PCDHGB1: variants seen among roughly 807,000 people sequenced by gnomAD.
PCDHGB1 encodes protocadherin gamma-B1.
Under a neutral mutation model 56.6 loss-of-function variants are expected in PCDHGB1, and 34 were observed. That is an observed-to-expected ratio of 0.60 (90% CI 0.46 to 0.80). The LOEUF is 0.80. Ranked by LOEUF, PCDHGB1 falls within the 30% of genes least tolerant of loss-of-function variation. The pLI is 0.00. For missense variants in PCDHGB1, 1,278 were observed against 1,204.6 expected (o/e 1.06, Z -0.90); for synonymous variants, 561 against 505.9 (o/e 1.11, Z -1.46).
intron 1 of PCDHGB1, chr5:141,433,186 G>A (rs753657435): frequency 1.4e-5 from 23 of 1,601,378 alleles, no homozygotes; most frequent in Non-Finnish European, 1.9e-5. Context: ...TAATTGAGGT[G>A]AGTTTATATC....
chr5:141,463,596 C>T (rs922480221), intron 1 of PCDHGB1, among the ~76,000 whole-genome samples: 5 of 151,874 alleles, frequency 3.3e-5, no homozygotes, highest in Admixed American at 2.0e-4. Flanking sequence ...CTACAGGTGC[C>T]TGCCACCATG....
At position 141,489,264 on chromosome 5, in the gene PCDHGB1, G is replaced by T. The variant is rs1314393358; in HGVS notation, c.2410-5543G>T. 10 of 1,553,088 alleles carry T rather than the reference G, an allele frequency of 6.4e-6. No individual in the cohort carries two copies. Among genetic ancestry groups the T allele is most frequent in the Non-Finnish European group, 7.0e-6 (8 of 1,149,620 alleles). ...TCATGGGGCCCAAGACACTCCCACA[G>T]CTCGCTGGGAAATGGCAAGTGCTGT... On this transcript the variant is annotated intron_variant, in intron 1 of 3. Transcript: ENST00000523390. The surrounding 1 kb of genome is among the most constrained non-coding windows in gnomAD (Gnocchi z 4.5).
intron 1 of PCDHGB1, chr5:141,384,877 C>T (rs2150276041): frequency 6.2e-7 from 1 of 1,613,844 alleles, no homozygotes; most frequent in African/African-American, 1.3e-5. Context: ...CACCGTCACA[C>T]TCACCGTGGC....
intron 1 of PCDHGB1, chr5:141,413,770 G>A: frequency 6.2e-7 from 1 of 1,612,708 alleles, no homozygotes; most frequent in Non-Finnish European, 8.5e-7. Context: ...CCCGGAGCTG[G>A]TACTGGAGCA....
chr5:141,418,864 A>T, intron 1 of PCDHGB1: 1 of 1,614,046 alleles, frequency 6.2e-7, no homozygotes, highest in Non-Finnish European at 8.5e-7. Context: ...AAGTAATTGT[A>T]GAAGTTGTAG....
rs370966840 is a variant in PCDHGB1 at position 141,360,786 on chromosome 5, C to T, written c.2409+8117C>T. ...AATTGGTCCTCACAGCTGTGGATGG[C>T]GGAGACCCACCTCAAAGTGGCACGA... On this transcript the variant is annotated intron_variant, in intron 1 of 3. Coordinates refer to ENST00000523390, the MANE Select transcript of PCDHGB1 (RefSeq NM_018922.3). The T allele has an allele frequency of 1.7e-3, 2,804 of 1,612,498 alleles. 7 individuals carry two copies. The highest frequency in any genetic ancestry group is 2.1e-3 in the Non-Finnish European group (2,428 of 1,179,770).
At chr5:141,415,740 G>GTTTTTTTTTTTTTTTTT (rs57426385) in intron 1 of PCDHGB1, 21 of 625,042 alleles carry the variant, frequency 3.4e-5, no homozygotes, top group African/African-American at 7.5e-5. Flanking sequence ...GTTTATTAAG[G>GTTTTTTTTTTTTTTTTT]TTTTTTTTTT....
At chr5:141,352,744 C>T (rs1159218441) in intron 1 of PCDHGB1, 75 bp downstream of exon 1, 2 of 1,445,068 alleles carry the variant, frequency 1.4e-6, no homozygotes, top group Non-Finnish European at 1.9e-6. Flanking sequence ...AATCCCAGCA[C>T]TTAACCAGGC....
chr5:141,485,106 T>C lies in PCDHGB1; in HGVS notation c.2410-9701T>C, dbSNP rs2099607051. The C allele has an allele frequency of 3.3e-6, 4 of 1,206,448 alleles. No homozygotes were observed. Among genetic ancestry groups the C allele is most frequent in the Non-Finnish European group, 4.8e-6 (4 of 828,284 alleles). 74.7% of individuals were successfully genotyped at this position (1,206,448 alleles called of 1,614,324 possible). ...GGGAGATAGGTGTCTCCAGCTGCTGTGGCTGTTTGGGGCGGGTCGGCTTCA... is the reference window on the plus strand; with the variant it reads ...GGGAGATAGGTGTCTCCAGCTGCTGCGGCTGTTTGGGGCGGGTCGGCTTCA... On this transcript the variant is annotated intron_variant, in intron 1 of 3. Coordinates refer to ENST00000523390, the MANE Select transcript of PCDHGB1 (RefSeq NM_018922.3). This position sits in a 1 kb window ranked among gnomAD's most constrained non-coding sequence, Gnocchi z 5.7.
In PCDHGB1 at chr5:141,476,073, A is replaced by C. The variant is rs765071344; in HGVS notation, c.2410-18734A>C. On this transcript the variant is annotated intron_variant, in intron 1 of 3. Coordinates refer to ENST00000523390, the MANE Select transcript of PCDHGB1 (RefSeq NM_018922.3). The surrounding 1 kb of genome is among the most constrained non-coding windows in gnomAD (Gnocchi z 7.6). ...GCTGAAAGTTTCTCAGCGAAATCTC[A>C]GGGACGATCTGGACCCCGCTGAGAG... 4 of 1,524,010 alleles carry C rather than the reference A, an allele frequency of 2.6e-6. No individual in the cohort carries two copies. Among genetic ancestry groups the C allele is most frequent in the Admixed American group, 4.2e-5 (2 of 47,746 alleles). The allele number at this position is 1,524,010 out of a possible 1,614,324, so 94.4% of individuals were successfully genotyped here. A position where few individuals can be genotyped will look rare whatever the true frequency, so the allele number is the denominator to read the frequency against.
chr5:141,509,601 G>A (rs2099877534), intron 3 of PCDHGB1, among the ~76,000 whole-genome samples: 1 of 152,144 alleles, frequency 6.6e-6, no homozygotes, highest in Non-Finnish European at 1.5e-5. Flanking sequence ...ATTCCGAGAG[G>A]CTGCATTCTA....
At position 141,360,209 on chromosome 5, in the gene PCDHGB1, TC is replaced by T. The variant is rs774225150; in HGVS notation, c.2409+7544del. The stretch of plus-strand genomic sequence containing the variant: ...CTGTTGCCCTTCCTGTTGTCTTTGT[TC>T]CCCGGGGCTCTCCCAGTCCAGATCC... On this transcript the variant is annotated intron_variant, in intron 1 of 3. Transcript: ENST00000523390. The T allele has an allele frequency of 6.2e-6, 10 of 1,613,002 alleles. No individual in the cohort carries two copies. In the South Asian group the frequency reaches 6.6e-5, roughly 11 times the overall value.
chr5:141,382,997 A>G lies in PCDHGB1; in HGVS notation c.2409+30328A>G, dbSNP rs1209270277. On this transcript the variant is annotated intron_variant, in intron 1 of 3. Transcript: ENST00000523390. Reference sequence around the variant, plus strand: ...GAAGCCTGGGCAGGACGTATTCTCTACTCCGTGTCGGAGGAGACGGACAAA... The same window carrying G: ...GAAGCCTGGGCAGGACGTATTCTCTGCTCCGTGTCGGAGGAGACGGACAAA... 1 of 1,613,426 alleles carries G rather than the reference A, an allele frequency of 6.2e-7. No individual in the cohort carries two copies. Among genetic ancestry groups the G allele is most frequent in the Non-Finnish European group, 8.5e-7 (1 of 1,179,728 alleles).
At chr5:141,365,048 C>T (rs1211654942) in intron 1 of PCDHGB1, 2 of 1,613,776 alleles carry the variant, frequency 1.2e-6, no homozygotes, top group East Asian at 2.2e-5. Flanking sequence ...CGACAATGCG[C>T]CCCTGTTCAC....
At chr5:141,479,619 T>C (rs1327758222) in intron 1 of PCDHGB1, 1 of 152,220 alleles carries the variant, frequency 6.6e-6, no homozygotes, top group Non-Finnish European at 1.5e-5. Flanking sequence ...AGGGAAACCA[T>C]GTCTCTTTAA....
chr5:141,371,850 C>T (rs1366445794), intron 1 of PCDHGB1: 5 of 1,613,540 alleles, frequency 3.1e-6, no homozygotes, highest in Admixed American at 1.7e-5. Context: ...ACCTAATGGC[C>T]TTGTCTCCTA....
Position 141,399,953 on chromosome 5 carries a change from A to G in PCDHGB1, c.2409+47284A>G, listed in dbSNP as rs1257117587. ...TCCTACCACGTGCTGCAGGCTAGCGAGCCCGGGCTCTTCAGCCTGGGGCTG... is the reference window on the plus strand; with the variant it reads ...TCCTACCACGTGCTGCAGGCTAGCGGGCCCGGGCTCTTCAGCCTGGGGCTG... On this transcript the variant is annotated intron_variant, in intron 1 of 3. Coordinates refer to ENST00000523390, the MANE Select transcript of PCDHGB1 (RefSeq NM_018922.3). The G allele has an allele frequency of 2.5e-5, 40 of 1,612,030 alleles. 1 individual carries two copies. Among genetic ancestry groups the G allele is most frequent in the Non-Finnish European group, 3.4e-5 (40 of 1,179,690 alleles).
intron 1 of PCDHGB1, among the ~76,000 whole-genome samples, chr5:141,397,514 A>G (rs537343615): frequency 1.3e-5 from 2 of 152,324 alleles, no homozygotes; most frequent in Non-Finnish European, 2.9e-5. Context: ...TTGTTTCCAT[A>G]GCTAATAAAA....
Position 141,352,504 on chromosome 5 carries a change from C to A in PCDHGB1, c.2244C>A (p.Tyr748Ter). The A allele has an allele frequency of 6.2e-7, 1 of 1,614,056 alleles. No individual in the cohort carries two copies. Among genetic ancestry groups the A allele is most frequent in the Non-Finnish European group, 8.5e-7 (1 of 1,179,896 alleles). ...NHSEGTLPYS[Y>*]NLCIASHSAK... Reference sequence around the variant, plus strand: ...GCGAGGGGACTTTGCCCTATTCCTACAATCTATGTATTGCCTCTCATTCTG... The same window carrying A: ...GCGAGGGGACTTTGCCCTATTCCTAAAATCTATGTATTGCCTCTCATTCTG... The change falls in exon 1 of 4, where the codon TAC becomes TAA. Residue 748 changes from tyrosine (Y) to a stop codon, truncating the protein, a stop_gained. Transcript: ENST00000523390. LOFTEE classifies it high-confidence loss of function.
Sources: gnomAD v4.1 joint callset for allele counts (sites outside exome capture counted in the v4.1 genomes callset) on GRCh38, gnomAD v4.1.1 for gene constraint, Gnocchi (gnomAD v3.1) non-coding constraint, MANE v1.5 for transcripts, NCBI Gene and HGNC (gene_info 2026-07-23, HGNC 2026-07-21) for gene names.